Variants in PLCE1 observed in about 807,000 individuals in gnomAD.
PLCE1 encodes 1-phosphatidylinositol 4,5-bisphosphate phosphodiesterase epsilon-1.
PLCE1 carries 119 observed loss-of-function variants against 242.8 expected under a neutral mutation model. That is an observed-to-expected ratio of 0.49 (90% CI 0.42 to 0.57). The LOEUF (loss-of-function observed/expected upper bound fraction) is 0.57, where lower values mean the gene tolerates loss of function less well. PLCE1 is among the 20% of genes least tolerant of loss of function. PLCE1 has a pLI of 0.00. For synonymous variants in PLCE1, 945 were observed against 1,017.4 expected, an observed-to-expected ratio of 0.93 and a Z score of 1.35; for missense variants, 2,441 against 2,788.8, an observed-to-expected ratio of 0.88 and a Z score of 2.81.
rs183111530 is a variant in PLCE1 at position 94,256,030 on chromosome 10, T to C, written c.3554+981T>C. Among the ~76,000 whole-genome samples, 24 of 149,982 alleles carry C rather than the reference T, an allele frequency of 1.6e-4. No individual in the cohort carries two copies. In the East Asian group the frequency reaches 4.2e-3, roughly 26 times the overall value. ...CTCTCTCTTTCTCTTGGAAGCTTCT[T>C]ATTAACAATCCTGGCTGGGCACGGT... On this transcript the variant is annotated intron_variant, in intron 11 of 32. Transcript: ENST00000371380.
chr10:94,118,785 C>G (rs997340180), intron 2 of PLCE1, among the ~76,000 whole-genome samples: 2 of 152,188 alleles, frequency 1.3e-5, no homozygotes, highest in African/African-American at 4.8e-5. Context: ...GTATGCTCTT[C>G]TACACACACA....
At chr10:94,219,960 G>A (rs2049667716) in intron 4 of PLCE1, among the ~76,000 whole-genome samples, 1 of 151,946 alleles carries the variant, frequency 6.6e-6, no homozygotes, top group South Asian at 2.1e-4. Flanking sequence ...TCCCCTCTGT[G>A]TCTCTCCTAA....
intron 3 of PLCE1, among the ~76,000 whole-genome samples, chr10:94,160,425 A>C (rs2047572408): frequency 6.6e-6 from 1 of 152,076 alleles, no homozygotes; most frequent in African/African-American, 2.4e-5. Flanking sequence ...TTCTTTTGAG[A>C]AGTGTCTGTT....
At chr10:94,193,233 T>C (rs767555235) in intron 4 of PLCE1, among the ~76,000 whole-genome samples, 52 of 152,286 alleles carry the variant, frequency 3.4e-4, no homozygotes, top group Non-Finnish European at 6.2e-4. Context: ...CATGGATCAC[T>C]TGGAGACCGC....
chr10:94,184,933 A>G (rs569051485), intron 4 of PLCE1, among the ~76,000 whole-genome samples: 37 of 152,174 alleles, frequency 2.4e-4, no homozygotes, highest in African/African-American at 8.2e-4. Context: ...TACCATCTAT[A>G]TAGTAGATGT....
intron 2 of PLCE1, among the ~76,000 whole-genome samples, chr10:94,035,864 C>T (rs796367053): frequency 6.6e-6 from 1 of 152,272 alleles, no homozygotes; most frequent in East Asian, 1.9e-4. Context: ...TAATGATATG[C>T]TCCTTTTCCT....
Position 94,028,010 on chromosome 10 carries a change from T to A in PLCE1, c.-364-2673T>A, listed in dbSNP as rs1292088233. Among the ~76,000 whole-genome samples the A allele has an allele frequency of 2.0e-5, 3 of 152,156 alleles. No individual in the cohort carries two copies. The South Asian group carries it at 6.2e-4, about 31-fold the overall frequency. On this transcript the variant is annotated intron_variant, in intron 1 of 32. Transcript: ENST00000371380. ...GATTCTGTAGTCAGTCTTCTTGGAT[T>A]TGAATCCTGTCTCAATCATTTTCCA...
At position 94,177,339 on chromosome 10, in the gene PLCE1, A is replaced by C. The variant is rs190747889; in HGVS notation, c.1809+5843A>C. Among the ~76,000 whole-genome samples the C allele has an allele frequency of 1.6e-3, 241 of 152,322 alleles. 2 individuals are homozygous for C. The highest frequency in any genetic ancestry group is 4.1e-3 in the Admixed American group (63 of 15,296). Reference sequence around the variant, plus strand: ...CCATTCCCCCTTCTCATGCCCTATTAGACTGTGATGCACACACTAGAGAAA... The same window carrying C: ...CCATTCCCCCTTCTCATGCCCTATTCGACTGTGATGCACACACTAGAGAAA... On this transcript the variant is annotated intron_variant, in intron 4 of 32. Coordinates refer to ENST00000371380, the MANE Select transcript of PLCE1 (RefSeq NM_016341.4).
intron 8 of PLCE1, among the ~76,000 whole-genome samples, chr10:94,250,084 T>C (rs1159285732): frequency 1.3e-5 from 2 of 151,598 alleles, no homozygotes; most frequent in Non-Finnish European, 2.9e-5. Flanking sequence ...ACATAAACTG[T>C]TTTCTCCACT....
chr10:94,068,669 A>C (rs772592182), intron 2 of PLCE1, among the ~76,000 whole-genome samples: 8 of 152,176 alleles, frequency 5.3e-5, no homozygotes, highest in Non-Finnish European at 1.2e-4. Context: ...AGAAGTTTGC[A>C]TGTGTTAACT....
chr10:94,200,427 G>A (rs970365186), intron 4 of PLCE1, among the ~76,000 whole-genome samples: 1 of 152,256 alleles, frequency 6.6e-6, no homozygotes, highest in East Asian at 1.9e-4. Flanking sequence ...CAAAGCTGGA[G>A]CAACTTGCAA....
chr10:94,106,700 G>A (rs1311541956), intron 2 of PLCE1, among the ~76,000 whole-genome samples: 2 of 152,044 alleles, frequency 1.3e-5, no homozygotes, highest in East Asian at 1.9e-4. Flanking sequence ...CTTGCAGTTT[G>A]CCATGATTCC....
intron 30 of PLCE1, 27 bp downstream of exon 30, chr10:94,322,086 A>G: frequency 6.2e-7 from 1 of 1,606,478 alleles, no homozygotes; most frequent in Non-Finnish European, 8.5e-7. Context: ...TCCTCACCTG[A>G]GTCCTTTCCT....
chr10:94,069,324 G>T (rs56989927), intron 2 of PLCE1, among the ~76,000 whole-genome samples: 50,058 of 152,086 alleles, frequency 0.33, 9,324 homozygotes, highest in African/African-American at 0.51. Context: ...GAGGGACCAG[G>T]CATGGTGGTT....
chr10:94,262,416 C>G (rs1391116829), intron 13 of PLCE1, 78 bp from the exon 14 acceptor site: 1 of 937,900 alleles, frequency 1.1e-6, no homozygotes, highest in African/African-American at 1.6e-5. Context: ...TTTAATAACT[C>G]CACACCATTA....
intron 1 of PLCE1, among the ~76,000 whole-genome samples, chr10:94,018,954 G>T (rs868221739): frequency 1.3e-5 from 2 of 152,156 alleles, no homozygotes; most frequent in Non-Finnish European, 2.9e-5. Flanking sequence ...TAGTGCTGAA[G>T]GGGTGATTTA....
At chr10:94,228,454 G>C (rs1466834109) in intron 5 of PLCE1, among the ~76,000 whole-genome samples, 1 of 152,188 alleles carries the variant, frequency 6.6e-6, no homozygotes, top group Non-Finnish European at 1.5e-5. Context: ...TACATCTTTA[G>C]GTAGAATTCA....
chr10:94,219,772 TA>T (rs1327469689), intron 4 of PLCE1, among the ~76,000 whole-genome samples: 1 of 152,030 alleles, frequency 6.6e-6, no homozygotes, highest in East Asian at 1.9e-4. Context: ...AAGTGGCAGG[TA>T]ACAGTAAAAA....
chr10:94,031,261 T>C lies in PLCE1; in HGVS notation c.215T>C (p.Ile72Thr). Residue 72 changes from isoleucine to threonine, a missense_variant, in exon 2 of 33, where the codon ATT becomes ACT. Coordinates refer to ENST00000371380, the MANE Select transcript of PLCE1 (RefSeq NM_016341.4). ...EEPSGSNLPK[I>T]LSIAREKIVS... ...CCTTCTGGAAGCAACTTGCCAAAGA[T>C]TCTCTCAATAGCGAGGGAGAAAATA... 6.2e-7 allele frequency: 1 copy of C among 1,613,894 alleles called. No individual in the cohort carries two copies. Among genetic ancestry groups the C allele is most frequent in the Non-Finnish European group, 8.5e-7 (1 of 1,179,878 alleles).
Sources: gnomAD v4.1 joint callset for allele counts (sites outside exome capture counted in the v4.1 genomes callset) on GRCh38, gnomAD v4.1.1 for gene constraint, MANE v1.5 for transcripts, NCBI Gene and HGNC (gene_info 2026-07-23, HGNC 2026-07-21) for gene names.